Variants in RUNX1 observed in about 807,000 individuals in gnomAD.
RUNX1 encodes RUNX family transcription factor 1.
RUNX1 carries 19 observed loss-of-function variants against 42.8 expected under a neutral mutation model. The ratio of observed to expected loss-of-function variants is 0.44; its 90% CI spans 0.31 to 0.65. RUNX1 has a LOEUF of 0.65. Among genes scored for constraint, RUNX1 ranks in the 30% least tolerant of loss-of-function variants. The pLI is 0.07. For missense variants in RUNX1, 528 were observed against 672.0 expected (o/e 0.79, Z 2.37); for synonymous variants, 271 against 289.4 (o/e 0.94, Z 0.64).
chr21:34,856,556 A>T (rs1031305174), intron 6 of RUNX1: 1 of 441,908 alleles, frequency 2.3e-6, no homozygotes, highest in Non-Finnish European at 4.4e-6. Flanking sequence ...AGACATCAGG[A>T]ACTCCTCATT....
intron 2 of RUNX1, among the ~76,000 whole-genome samples, chr21:34,896,309 C>T (rs1377952310): frequency 1.3e-5 from 2 of 152,204 alleles, no homozygotes; most frequent in South Asian, 2.1e-4. Context: ...GGATTATCAA[C>T]ATTCCAGGGT....
intron 2 of RUNX1, among the ~76,000 whole-genome samples, chr21:34,995,887 CAT>C (rs2058991157): frequency 6.6e-6 from 1 of 152,176 alleles, no homozygotes; most frequent in Non-Finnish European, 1.5e-5. Flanking sequence ...TTCGAATGTA[CAT>C]GTGTAGGTGT....
intron 2 of RUNX1, among the ~76,000 whole-genome samples, chr21:34,968,082 C>T (rs1360947703): frequency 2.0e-5 from 3 of 152,200 alleles, no homozygotes; most frequent in South Asian, 2.1e-4. Flanking sequence ...GTGGCAAGGG[C>T]GTGAATGTCC....
At chr21:34,838,196 T>C (rs963297720) in intron 6 of RUNX1, among the ~76,000 whole-genome samples, 1 of 152,066 alleles carries the variant, frequency 6.6e-6, no homozygotes, top group African/African-American at 2.4e-5. Flanking sequence ...GAGCTGCCTT[T>C]TTCAAGACAC....
chr21:34,939,374 T>C (rs1462936231), intron 2 of RUNX1, among the ~76,000 whole-genome samples: 2 of 152,238 alleles, frequency 1.3e-5, no homozygotes, highest in Non-Finnish European at 1.5e-5. Context: ...TCATTTTGCC[T>C]CTGTGTAGCT....
At chr21:34,866,853 T>G (rs2057670270) in intron 5 of RUNX1, among the ~76,000 whole-genome samples, 1 of 152,224 alleles carries the variant, frequency 6.6e-6, no homozygotes, top group South Asian at 2.1e-4. Flanking sequence ...AGGCCTAAGC[T>G]ACTGGCACCA....
intron 7 of RUNX1, among the ~76,000 whole-genome samples, chr21:34,817,570 C>T (rs2056844845): frequency 6.6e-6 from 1 of 152,166 alleles, no homozygotes; most frequent in African/African-American, 2.4e-5. Flanking sequence ...CAGGTAAGAG[C>T]CTACCTGATC....
At chr21:34,829,938 G>T (rs565378656) in intron 7 of RUNX1, 1 of 152,354 alleles carries the variant, frequency 6.6e-6, no homozygotes, top group South Asian at 2.1e-4. Flanking sequence ...ATGATAAAGA[G>T]AGAATCAGAC....
At chr21:34,860,860 G>A (rs550512049) in intron 5 of RUNX1, among the ~76,000 whole-genome samples, 102 of 152,286 alleles carry the variant, frequency 6.7e-4, no homozygotes, top group Admixed American at 2.2e-3. Flanking sequence ...AGCAAGCCAC[G>A]ATTCCTAATC....
intron 7 of RUNX1, among the ~76,000 whole-genome samples, chr21:34,816,046 C>G (rs542705662): frequency 5.3e-5 from 8 of 152,056 alleles, no homozygotes; most frequent in Admixed American, 3.3e-4. Context: ...AGGCTCTCCC[C>G]CCAGGTTCCC....
intron 2 of RUNX1, among the ~76,000 whole-genome samples, chr21:35,022,826 T>G (rs1015959983): frequency 6.0e-5 from 9 of 151,216 alleles, no homozygotes; most frequent in African/African-American, 2.2e-4. Flanking sequence ...ACCCAGGAGG[T>G]GGAGGTTGCA....
intron 5 of RUNX1, among the ~76,000 whole-genome samples, chr21:34,863,550 C>CA: frequency 9.2e-6 from 1 of 109,120 alleles, no homozygotes; most frequent in South Asian, 3.2e-4. Flanking sequence ...TCATGCCCAT[C>CA]TTTTTTTTTT....
At chr21:34,874,447 T>G (rs1316684569) in intron 5 of RUNX1, among the ~76,000 whole-genome samples, 1 of 150,938 alleles carries the variant, frequency 6.6e-6, no homozygotes, top group Non-Finnish European at 1.5e-5. Context: ...TCGTCTCTAC[T>G]AAAAATACAA....
chr21:35,035,850 G>A (rs935694099), intron 2 of RUNX1, among the ~76,000 whole-genome samples: 18 of 152,310 alleles, frequency 1.2e-4, no homozygotes, highest in African/African-American at 3.8e-4. Flanking sequence ...TTCAGGTCAC[G>A]TGGTTGTGAT....
intron 7 of RUNX1, among the ~76,000 whole-genome samples, chr21:34,803,998 C>A (rs2056644743): frequency 6.6e-6 from 1 of 152,116 alleles, no homozygotes; most frequent in African/African-American, 2.4e-5. Context: ...AGAAAAAATG[C>A]TGAACAAACT....
At chr21:34,952,967 G>A (rs1377677323) in intron 2 of RUNX1, among the ~76,000 whole-genome samples, 1 of 152,196 alleles carries the variant, frequency 6.6e-6, no homozygotes, top group East Asian at 1.9e-4. Flanking sequence ...TCAAGAGGAT[G>A]TGGCCTTCCT....
At chr21:34,795,947 T>G (rs1459337816) in intron 8 of RUNX1, among the ~76,000 whole-genome samples, 1 of 152,226 alleles carries the variant, frequency 6.6e-6, no homozygotes, top group African/African-American at 2.4e-5. Flanking sequence ...TTCCTCTTGC[T>G]TCATTTGCCC....
intron 2 of RUNX1, among the ~76,000 whole-genome samples, chr21:35,029,323 T>C (rs996776642): frequency 5.3e-5 from 8 of 152,268 alleles, no homozygotes; most frequent in African/African-American, 1.7e-4. Flanking sequence ...ACCTCAGTTC[T>C]GATCCTAACA....
At position 35,035,423 on chromosome 21, in the gene RUNX1, C is replaced by T. The variant is rs188071958; in HGVS notation, c.58+13419G>A. On this transcript the variant is annotated intron_variant, in intron 2 of 8. Transcript: ENST00000675419. Reference sequence around the variant, plus strand: ...AGAGGCCAGATGGGAGTGGGAAAGCCGAAGAGAATCTGGACTCCAACCGAG... The same window carrying T: ...AGAGGCCAGATGGGAGTGGGAAAGCTGAAGAGAATCTGGACTCCAACCGAG... Among the ~76,000 whole-genome samples, 211 of 152,278 alleles carry T rather than the reference C, an allele frequency of 1.4e-3. 3 individuals are homozygous for T. Among genetic ancestry groups the T allele is most frequent in the Middle Eastern group, 0.01 (3 of 294 alleles).
Sources: gnomAD v4.1 joint callset for allele counts (sites outside exome capture counted in the v4.1 genomes callset) on GRCh38, gnomAD v4.1.1 for gene constraint, MANE v1.5 for transcripts, NCBI Gene and HGNC (gene_info 2026-07-23, HGNC 2026-07-21) for gene names.